FBXO31: variants seen among roughly 807,000 people sequenced by gnomAD.
The protein encoded by FBXO31 is F-box protein 31, also known as F-box only protein 31.
A neutral mutation model predicts 54.4 loss-of-function variants in FBXO31; 24 were observed. The observed-to-expected ratio is 0.44, with a 90% confidence interval of 0.32 to 0.62. The LOEUF is 0.62. FBXO31 is among the 20% of genes least tolerant of loss of function. The probability of loss-of-function intolerance (pLI) is 0.05; values close to 1 mark genes in which losing one functional copy is unlikely to be tolerated. For missense variants in FBXO31, 665 were observed against 787.1 expected, an observed-to-expected ratio of 0.84 and a Z score of 1.86; for synonymous variants, 388 against 335.6, an observed-to-expected ratio of 1.16 and a Z score of -1.71.
At chr16:87,388,907 T>G (rs1457602956) in intron 1 of FBXO31, 2 of 152,238 alleles carry the variant, frequency 1.3e-5, no homozygotes, top group African/African-American at 4.8e-5. Context: ...TTTACATGGA[T>G]TATTACAGGG....
chr16:87,383,141 T>C lies in FBXO31; in HGVS notation c.340+264A>G, dbSNP rs1907158647. Among the ~76,000 whole-genome samples the C allele has an allele frequency of 6.6e-6, 1 of 151,696 alleles. No homozygotes were observed. On this transcript the variant is annotated intron_variant, in intron 1 of 8. Transcript: ENST00000311635. The surrounding 1 kb of genome is among the most constrained non-coding windows in gnomAD (Gnocchi z 4.9). ...CGTCAGGGCCTCTTCGATGCCTCCCTGACGCCCTCAACCCCTCCCTACCCC... is the reference window on the plus strand; with the variant it reads ...CGTCAGGGCCTCTTCGATGCCTCCCCGACGCCCTCAACCCCTCCCTACCCC...
At chr16:87,368,013 G>C (rs1906441764) in intron 1 of FBXO31, 3 of 152,154 alleles carry the variant, frequency 2.0e-5, no homozygotes, top group Admixed American at 1.3e-4. Context: ...AAGGTTTTTA[G>C]CTAGGATAGC....
At chr16:87,378,929 T>C (rs963060007) in intron 1 of FBXO31, among the ~76,000 whole-genome samples, 1 of 139,446 alleles carries the variant, frequency 7.2e-6, no homozygotes, top group Admixed American at 7.7e-5. Flanking sequence ...GCCACTGCAC[T>C]CCAGCCAGGG....
chr16:87,342,535 T>C (rs900370932), intron 5 of FBXO31, among the ~76,000 whole-genome samples: 1 of 152,160 alleles, frequency 6.6e-6, no homozygotes, highest in Admixed American at 6.5e-5. Context: ...GGTGCAGCCC[T>C]CGGGTCTCCC....
Position 87,334,155 on chromosome 16 carries a change from C to A in FBXO31, c.1128G>T (p.Arg376Ser). The A allele has an allele frequency of 6.2e-7, 1 of 1,612,470 alleles. No homozygotes were observed. The highest frequency in any genetic ancestry group is 8.5e-7 in the Non-Finnish European group (1 of 1,179,526). Residue 376 changes from arginine to serine, a missense_variant, in exon 8 of 9, where the codon AGG (arginine) becomes AGT (serine). Arg to Ser is a moderately radical substitution (Grantham distance 110, BLOSUM62 -1). This residue lies in a region of FBXO31 where 165 missense variants were observed against 159.7 expected (regional missense o/e 1.03). Coordinates refer to ENST00000311635, the MANE Select transcript of FBXO31 (RefSeq NM_024735.5). ...CGCCTTCCTGCTGCTCCTGGCGCAC[C>A]CTCTCGCGCACCTCCAGGACGATGC... The part of the protein sequence containing the change: ...LSRIVLEVRE[R>S]VRQEQQEGGH...
chr16:87,362,033 G>A (rs1002988926), intron 1 of FBXO31, among the ~76,000 whole-genome samples: 4 of 152,306 alleles, frequency 2.6e-5, no homozygotes, highest in East Asian at 3.9e-4. Flanking sequence ...TACACCCAGC[G>A]AGGAGACGCA....
chr16:87,392,034 C>A, upstream of FBXO31: 1 of 187,190 alleles, frequency 5.3e-6, no homozygotes, highest in Non-Finnish European at 1.1e-5. Context: ...GGGCAGCAGG[C>A]TCCCGAGCGC....
intron 5 of FBXO31, among the ~76,000 whole-genome samples, chr16:87,337,901 C>T (rs943180824): frequency 3.2e-4 from 49 of 151,638 alleles, no homozygotes; most frequent in African/African-American, 1.0e-3. Context: ...TTTTAGGATT[C>T]AGAAAATAAC....
chr16:87,340,273 C>T (rs985336964), intron 5 of FBXO31, among the ~76,000 whole-genome samples: 9 of 152,126 alleles, frequency 5.9e-5, no homozygotes, highest in South Asian at 2.1e-4. Context: ...GGGGACAGGG[C>T]GAGACTACAT....
intron 4 of FBXO31, 122 bp downstream of exon 4, chr16:87,343,476 C>T: frequency 8.1e-7 from 1 of 1,236,214 alleles, no homozygotes; most frequent in East Asian, 2.5e-5. Flanking sequence ...GCGGAGCCTC[C>T]CTCCCACCCG....
intron 2 of FBXO31, among the ~76,000 whole-genome samples, chr16:87,351,264 G>C (rs563462479): frequency 2.0e-5 from 3 of 152,318 alleles, no homozygotes; most frequent in Admixed American, 2.0e-4. Flanking sequence ...CCATTCAAAC[G>C]GTCAAGAGCA....
chr16:87,341,789 T>C (rs1053185118), intron 5 of FBXO31, among the ~76,000 whole-genome samples: 1 of 152,042 alleles, frequency 6.6e-6, no homozygotes, highest in African/African-American at 2.4e-5. Flanking sequence ...TCACATGCCA[T>C]CTATTCAAGA....
chr16:87,383,954 G>A (rs76589868), upstream of FBXO31: 84 of 261,842 alleles, frequency 3.2e-4, no homozygotes, highest in African/African-American at 1.6e-3. The surrounding 1 kb of genome is among the most constrained non-coding windows in gnomAD (Gnocchi z 4.9). Flanking sequence ...CTCCCCTCCA[G>A]CGTGAGGGCG....
chr16:87,361,869 CCT>C (rs1906148827), intron 1 of FBXO31, among the ~76,000 whole-genome samples: 1 of 152,186 alleles, frequency 6.6e-6, no homozygotes, highest in African/African-American at 2.4e-5. Context: ...CAGCATGTCC[CCT>C]GCCTCCACTT....
At chr16:87,362,926 C>A (rs1906199210) in intron 1 of FBXO31, among the ~76,000 whole-genome samples, 1 of 152,174 alleles carries the variant, frequency 6.6e-6, no homozygotes. Flanking sequence ...CCTGTCTTTA[C>A]TACAAACAGG....
intron 1 of FBXO31, chr16:87,367,852 A>G (rs555598938): frequency 5.3e-5 from 8 of 152,322 alleles, no homozygotes; most frequent in African/African-American, 1.9e-4. Flanking sequence ...CAAGCCATCA[A>G]TACTGTTCCT....
chr16:87,335,159 TC>T lies in FBXO31; in HGVS notation c.996+144del, dbSNP rs1249089248. On this transcript the variant is annotated intron_variant, in intron 7 of 8. Coordinates refer to ENST00000311635, the MANE Select transcript of FBXO31 (RefSeq NM_024735.5). This position sits in a 1 kb window ranked among gnomAD's most constrained non-coding sequence, Gnocchi z 5.7. ...CTGGCTGGGGCCCGAGAATCTGCTT[TC>T]CCAAGCTCCCGGGGCTGCAGGTGCA... 2.6e-5 allele frequency: 31 copies of T among 1,177,940 alleles called. No homozygotes were observed. The highest frequency in any genetic ancestry group is 3.6e-5 in the Non-Finnish European group (30 of 825,416). The allele number at this position is 1,177,940 out of a possible 1,614,324, so 73.0% of individuals were successfully genotyped here.
chr16:87,377,968 A>G (rs1906902725), intron 1 of FBXO31, among the ~76,000 whole-genome samples: 2 of 151,794 alleles, frequency 1.3e-5, no homozygotes, highest in Admixed American at 1.3e-4. Flanking sequence ...GACCAGCCTG[A>G]CCAACCTGGA....
rs1904739884 is a variant in FBXO31, at chr16:87,328,843, T to C, written c.*2445A>G. 6.6e-6 allele frequency: 1 copy of C among 152,260 alleles called. No individual in the cohort carries two copies. Among genetic ancestry groups the C allele is most frequent in the South Asian group, 2.1e-4 (1 of 4,834 alleles). The allele number at this position is 152,260 out of a possible 1,614,324, so 9.4% of individuals were successfully genotyped here. On this transcript the variant is annotated 3_prime_UTR_variant, in exon 9 of 9. Coordinates refer to ENST00000311635, the MANE Select transcript of FBXO31 (RefSeq NM_024735.5). ...TGCCACCTTCCCCAATCAAGCCTAA[T>C]GCGCTTGGCTGTCCTGAACTGGGTT...
Sources: gnomAD v4.1 joint callset for allele counts (sites outside exome capture counted in the v4.1 genomes callset) on GRCh38, gnomAD v4.1.1 for gene constraint, gnomAD v4.1.1 regional missense constraint, Gnocchi (gnomAD v3.1) non-coding constraint, MANE v1.5 for transcripts, NCBI Gene and HGNC (gene_info 2026-07-23, HGNC 2026-07-21) for gene names.